Variants in DIAPH2 observed in about 807,000 individuals in gnomAD.
DIAPH2 encodes protein diaphanous homolog 2.
A neutral mutation model predicts 92.7 loss-of-function variants in DIAPH2; 35 were observed. The ratio of observed to expected loss-of-function variants is 0.38; its 90% CI spans 0.29 to 0.50. The LOEUF (loss-of-function observed/expected upper bound fraction) is 0.50. DIAPH2 is among the 20% of genes least tolerant of loss of function. DIAPH2 has a pLI of 0.94. For synonymous variants in DIAPH2, 301 were observed against 280.4 expected (o/e 1.07, Z -0.73); for missense variants, 701 against 819.5 (o/e 0.86, Z 1.77).
intron 4 of DIAPH2, among the ~76,000 whole-genome samples, chrX:96,764,780 C>T (rs1257213218): frequency 9.0e-6 from 1 of 111,423 alleles, no homozygotes; most frequent in African/African-American, 3.3e-5. Flanking sequence ...TAGACTTATT[C>T]GGGAAGCTAC....
chrX:96,962,478 TACACAC>T (rs1159716286), intron 16 of DIAPH2, among the ~76,000 whole-genome samples: 2,879 of 25,062 alleles, frequency 0.11, 189 homozygotes, highest in South Asian at 0.17. Flanking sequence ...CATATATATA[TACACAC>T]ACACACACAC....
Position 97,293,243 on chromosome X carries a change from C to CTTTTTTTTTT in DIAPH2, c.2844+45421_2844+45430dup, listed in dbSNP as rs1184478622. ...GGCCTGTCTTTGTTGATATTTCTTT[C>CTTTTTTTTTT]TTTTTTTTTTTTTTTTTTTTTTTTT... On this transcript the variant is annotated intron_variant, in intron 23 of 26. Transcript: ENST00000324765. Among the ~76,000 whole-genome samples, 5 of 63,201 alleles carry CTTTTTTTTTT rather than the reference C, an allele frequency of 7.9e-5. 1 individual carries two copies. Among genetic ancestry groups the CTTTTTTTTTT allele is most frequent in the Non-Finnish European group, 1.2e-4 (4 of 33,094 alleles). The allele number at this position is 63,201 out of a possible 115,157, so 54.9% of individuals were successfully genotyped here. A position where few individuals can be genotyped will look rare whatever the true frequency, so the allele number is the denominator to read the frequency against.
At chrX:97,302,861 A>G (rs2068718396) in intron 23 of DIAPH2, among the ~76,000 whole-genome samples, 1 of 110,969 alleles carries the variant, frequency 9.0e-6, no homozygotes, top group Non-Finnish European at 1.9e-5. Context: ...TCGTGCGCCT[A>G]TAGTCACAGC....
intron 1 of DIAPH2, among the ~76,000 whole-genome samples, chrX:96,686,210 A>G (rs977582510): frequency 3.6e-5 from 4 of 111,966 alleles, no homozygotes; most frequent in Non-Finnish European, 5.6e-5. Flanking sequence ...ATAATAGACA[A>G]GGAGAGGGTG....
At chrX:96,954,510 C>T (rs1319660927) in intron 15 of DIAPH2, among the ~76,000 whole-genome samples, 1 of 111,851 alleles carries the variant, frequency 8.9e-6, no homozygotes, top group East Asian at 2.8e-4. Context: ...CCTCATAATC[C>T]TATCTATTTG....
chrX:96,972,051 G>T (rs1435009968), intron 17 of DIAPH2, among the ~76,000 whole-genome samples: 1 of 111,316 alleles, frequency 9.0e-6, no homozygotes, highest in Non-Finnish European at 1.9e-5. Flanking sequence ...CACCGCCTGG[G>T]TTTTCTTTTC....
intron 5 of DIAPH2, among the ~76,000 whole-genome samples, chrX:96,892,723 A>T (rs917758432): frequency 2.7e-5 from 3 of 112,051 alleles, no homozygotes; most frequent in Admixed American, 9.5e-5. Flanking sequence ...ATTAGGAGAA[A>T]ATGCTACAGG....
chrX:97,322,957 T>A (rs1260975681), intron 23 of DIAPH2, among the ~76,000 whole-genome samples: 1 of 102,972 alleles, frequency 9.7e-6, no homozygotes, highest in Admixed American at 1.1e-4. Flanking sequence ...CCAGGTTTGA[T>A]TGCAATGGCT....
chrX:96,872,026 T>G (rs1184939614), intron 4 of DIAPH2, among the ~76,000 whole-genome samples: 3 of 112,061 alleles, frequency 2.7e-5, no homozygotes, highest in Non-Finnish European at 5.6e-5. Flanking sequence ...GTAAATGACA[T>G]TCCTTTTTTT....
intron 12 of DIAPH2, among the ~76,000 whole-genome samples, chrX:96,940,255 A>G (rs942777301): frequency 8.9e-6 from 1 of 112,272 alleles, no homozygotes; most frequent in African/African-American, 3.2e-5. Context: ...CATCTAAGAA[A>G]ATAAAAGTGC....
chrX:97,136,891 TTAAGTA>T (rs1248356035), intron 21 of DIAPH2, among the ~76,000 whole-genome samples: 2 of 110,746 alleles, frequency 1.8e-5, no homozygotes, highest in African/African-American at 6.6e-5. Context: ...AGTTATCATT[TTAAGTA>T]TATCAGTCTT....
At chrX:96,695,249 C>T (rs753438700) in intron 1 of DIAPH2, among the ~76,000 whole-genome samples, 19 of 112,269 alleles carry the variant, frequency 1.7e-4, no homozygotes, top group Non-Finnish European at 3.4e-4. Context: ...CAACGCCTGG[C>T]GCTAATGGTC....
At chrX:96,710,687 G>A (rs1297032407) in intron 1 of DIAPH2, among the ~76,000 whole-genome samples, 2 of 111,066 alleles carry the variant, frequency 1.8e-5, no homozygotes, top group Non-Finnish European at 3.8e-5. Context: ...TGATGAGGAG[G>A]GAAAATTTTT....
At chrX:96,972,857 A>G (rs896911954) in intron 17 of DIAPH2, among the ~76,000 whole-genome samples, 1 of 111,960 alleles carries the variant, frequency 8.9e-6, no homozygotes, top group African/African-American at 3.2e-5. Context: ...CAAATTTTAC[A>G]GAATTCATTT....
In DIAPH2 at chrX:96,930,860, C is replaced by T; in HGVS notation, c.1089+17C>T. On this transcript the variant is annotated intron_variant, in intron 10 of 26. Coordinates refer to ENST00000324765, the MANE Select transcript of DIAPH2 (RefSeq NM_006729.5). ...ATGTTACCAGTAAGTTGAATGTATA[C>T]ATTTATTATGCTGATGAATTTTAAA... is the stretch of plus-strand genomic sequence containing the variant. 8.6e-7 allele frequency: 1 copy of T among 1,157,767 alleles called. No homozygotes were observed. Among genetic ancestry groups the T allele is most frequent in the Non-Finnish European group, 1.1e-6 (1 of 871,556 alleles).
At chrX:97,318,467 C>CT (rs1385150351) in intron 23 of DIAPH2, among the ~76,000 whole-genome samples, 11 of 57,410 alleles carry the variant, frequency 1.9e-4, no homozygotes, top group African/African-American at 6.7e-4. Context: ...TTACAGTTTT[C>CT]TTTTTTTTTC....
intron 17 of DIAPH2, among the ~76,000 whole-genome samples, chrX:97,054,064 A>G (rs1011035844): frequency 1.8e-5 from 2 of 111,817 alleles, no homozygotes; most frequent in African/African-American, 6.5e-5. Context: ...GTTTCATAGT[A>G]GTGATGGAAA....
At chrX:97,227,011 C>T (rs1569334959) in intron 22 of DIAPH2, among the ~76,000 whole-genome samples, 1 of 111,141 alleles carries the variant, frequency 9.0e-6, no homozygotes, top group African/African-American at 3.3e-5. Flanking sequence ...TTGCTCATGC[C>T]TGTAATCCCA....
chrX:96,899,948 A>T (rs2065381004), intron 5 of DIAPH2, among the ~76,000 whole-genome samples: 2 of 104,568 alleles, frequency 1.9e-5, no homozygotes, highest in South Asian at 9.6e-4. Flanking sequence ...GTGTTGTTGA[A>T]TTTTGTCAAA....
Sources: allele counts gnomAD v4.1 joint callset (sites outside exome capture counted in the v4.1 genomes callset), GRCh38; gene constraint gnomAD v4.1.1; transcripts MANE v1.5; gene names NCBI Gene and HGNC (gene_info 2026-07-23, HGNC 2026-07-21).